ETFDH: variants seen among roughly 807,000 people sequenced by gnomAD.
ETFDH encodes the protein electron transfer flavoprotein dehydrogenase, also known as electron transfer flavoprotein-ubiquinone oxidoreductase, mitochondrial.
ETFDH carries 61 observed loss-of-function variants against 73.2 expected under a neutral mutation model. That is an observed-to-expected ratio of 0.83 (90% CI 0.68 to 1.03). ETFDH has a LOEUF of 1.03. Among genes scored for constraint, ETFDH ranks in the 50% least tolerant of loss-of-function variants. The probability of loss-of-function intolerance (pLI) is 0.00; values close to 1 mark genes in which losing one functional copy is unlikely to be tolerated. For synonymous variants in ETFDH, 243 were observed against 253.3 expected (o/e 0.96, Z 0.39); for missense variants, 685 against 745.0 (o/e 0.92, Z 0.94).
chr4:158,691,697 C>T (rs1389912054), intron 6 of ETFDH, among the ~76,000 whole-genome samples: 1 of 152,168 alleles, frequency 6.6e-6, no homozygotes, highest in Non-Finnish European at 1.5e-5. Context: ...TTCTCCACCT[C>T]CCATTCAAAA....
rs1773876575 is a variant in ETFDH at position 158,682,195 on chromosome 4, G to A, written c.176G>A (p.Gly59Glu). Residue 59 changes from glycine (G) to glutamate (E), a missense_variant and splice_region_variant, in exon 3 of 13, where the codon GGA becomes GAA. Gly to Glu is a moderately conservative substitution (Grantham distance 98). Around this residue, in one of 3 missense-constraint regions of ETFDH, gnomAD observed 405 missense variants for 399.3 expected, o/e 1.01. Coordinates refer to ENST00000511912, the MANE Select transcript of ETFDH (RefSeq NM_004453.4). ...ATCCCAGAATTTTTATTTCTCCCAG[G>A]AGTGAACATGGAAAGGTTTGCAGAA... ...YPRDKDKRWE[G>E]VNMERFAEEA... 1 of 1,613,720 alleles carries A rather than the reference G, an allele frequency of 6.2e-7. No homozygotes were observed. Among genetic ancestry groups the A allele is most frequent in the Admixed American group, 1.7e-5 (1 of 59,998 alleles).
Position 158,706,869 on chromosome 4 carries a change from T to A in ETFDH, c.1690+19T>A. The A allele has an allele frequency of 2.0e-6, 3 of 1,477,240 alleles. No individual in the cohort carries two copies. The highest frequency in any genetic ancestry group is 1.9e-6 in the Non-Finnish European group (2 of 1,055,598). The allele number at this position is 1,477,240 out of a possible 1,614,324, so 91.5% of individuals were successfully genotyped here. On this transcript the variant is annotated intron_variant, in intron 12 of 12. Coordinates refer to ENST00000511912, the MANE Select transcript of ETFDH (RefSeq NM_004453.4). ...CCTGCAGGTAATAATTTCCATCTATTCCTAAATATTTGCTTTAAACATTTT... is the reference window on the plus strand; with the variant it reads ...CCTGCAGGTAATAATTTCCATCTATACCTAAATATTTGCTTTAAACATTTT...
At chr4:158,694,083 T>C (rs1774246932) in intron 6 of ETFDH, among the ~76,000 whole-genome samples, 3 of 152,204 alleles carry the variant, frequency 2.0e-5, no homozygotes, top group Admixed American at 2.0e-4. Context: ...CTCTCTTTCA[T>C]AGCACTTAAA....
chr4:158,685,875 C>T (rs1440882404), intron 5 of ETFDH, among the ~76,000 whole-genome samples: 1 of 152,310 alleles, frequency 6.6e-6, no homozygotes, highest in Non-Finnish European at 1.5e-5. Context: ...AAAATGAATG[C>T]ACCCAAGACA....
rs1280680559 is a variant in ETFDH, at chr4:158,683,322, A to G, written c.405+898A>G. On this transcript the variant is annotated intron_variant, in intron 3 of 12. Transcript: ENST00000511912. The stretch of plus-strand genomic sequence containing the variant: ...TCCTACCTCCTAGATTAGATTATTC[A>G]GTGGTTGTGAATATACTTGCAAAGA... Among the ~76,000 whole-genome samples the G allele has an allele frequency of 3.3e-5, 5 of 152,306 alleles. No individual in the cohort carries two copies. The East Asian group carries it at 9.6e-4, about 29-fold the overall frequency.
rs984712748 is a variant in ETFDH, at chr4:158,698,931, G to C, written c.973-56G>C. The C allele has an allele frequency of 1.6e-5, 20 of 1,272,264 alleles. No individual in the cohort carries two copies. In the African/African-American group the frequency reaches 2.7e-4, roughly 17 times the overall value. The allele number at this position is 1,272,264 out of a possible 1,614,324, so 78.8% of individuals were successfully genotyped here. A position where few individuals can be genotyped will look rare whatever the true frequency, so the allele number is the denominator to read the frequency against. On this transcript the variant is annotated intron_variant, in intron 8 of 12. Coordinates refer to ENST00000511912, the MANE Select transcript of ETFDH (RefSeq NM_004453.4). ...TCTGATAAACATTGCTTACATTTTA[G>C]CTTGATTTAATTTGAAATAAAAATG...
At chr4:158,693,090 G>A (rs1774220671) in intron 6 of ETFDH, among the ~76,000 whole-genome samples, 1 of 151,994 alleles carries the variant, frequency 6.6e-6, no homozygotes, top group Admixed American at 6.6e-5. Context: ...TCTGTTTAAG[G>A]TGTTGTTCCA....
At chr4:158,695,061 T>C (rs1774274133) in intron 6 of ETFDH, among the ~76,000 whole-genome samples, 1 of 152,234 alleles carries the variant, frequency 6.6e-6, no homozygotes, top group Admixed American at 6.5e-5. Flanking sequence ...AATAAGTCCT[T>C]GTATATGTGA....
At chr4:158,676,101 T>G (rs1288981585) in intron 1 of ETFDH, among the ~76,000 whole-genome samples, 1 of 152,216 alleles carries the variant, frequency 6.6e-6, no homozygotes, top group Non-Finnish European at 1.5e-5. Context: ...CAGAGGCGGC[T>G]GTACAGGAGA....
Position 158,708,707 on chromosome 4 carries a change from T to A in ETFDH, c.*180T>A. 1 of 594,496 alleles carries A rather than the reference T, an allele frequency of 1.7e-6. No individual in the cohort carries two copies. Among genetic ancestry groups the A allele is most frequent in the Non-Finnish European group, 3.0e-6 (1 of 336,456 alleles). The allele number at this position is 594,496 out of a possible 1,614,324, so 36.8% of individuals were successfully genotyped here. ...ATAAAGAAATTACGGGTATTGCTTT[T>A]AAATAACCTTTATAAGAATGCAGCA... On this transcript the variant is annotated 3_prime_UTR_variant, in exon 13 of 13. Transcript: ENST00000511912.
At chr4:158,676,735 C>A (rs1472291356) in intron 1 of ETFDH, among the ~76,000 whole-genome samples, 1 of 152,132 alleles carries the variant, frequency 6.6e-6, no homozygotes, top group Non-Finnish European at 1.5e-5. Context: ...TGCTTGACTT[C>A]TCGACTATAG....
intron 10 of ETFDH, among the ~76,000 whole-genome samples, chr4:158,704,478 C>G (rs1774554085): frequency 6.6e-6 from 1 of 152,194 alleles, no homozygotes; most frequent in Non-Finnish European, 1.5e-5. Flanking sequence ...GTTCTCTTTC[C>G]CTTTGTTTAA....
At chr4:158,682,062 T>C (rs1773872658) in intron 2 of ETFDH, 133 bp from the exon 3 acceptor site, 1 of 1,196,204 alleles carries the variant, frequency 8.4e-7, no homozygotes, top group Non-Finnish European at 1.2e-6. Flanking sequence ...ATGCTTAATA[T>C]AATTATTGTG....
chr4:158,698,520 C>A (rs141360574), intron 8 of ETFDH, among the ~76,000 whole-genome samples: 54 of 151,866 alleles, frequency 3.6e-4, no homozygotes, highest in African/African-American at 1.1e-3. Context: ...TATTTTTGCC[C>A]CAGTTGTACT....
At chr4:158,672,641 G>A (rs945147195) in intron 1 of ETFDH, 151 bp downstream of exon 1, 6 of 800,096 alleles carry the variant, frequency 7.5e-6, no homozygotes, top group South Asian at 3.0e-5. Flanking sequence ...GCCTGTTGGG[G>A]GACCCTGGCT....
chr4:158,678,769 T>A (rs1773773458), intron 1 of ETFDH, among the ~76,000 whole-genome samples: 1 of 151,730 alleles, frequency 6.6e-6, no homozygotes, highest in Non-Finnish European at 1.5e-5. Flanking sequence ...TACCTCAGCC[T>A]CCTGAGTAGG....
chr4:158,685,911 CT>C (rs1773990785), intron 5 of ETFDH, among the ~76,000 whole-genome samples: 1 of 152,190 alleles, frequency 6.6e-6, no homozygotes, highest in Admixed American at 6.5e-5. Context: ...AAATGATTCT[CT>C]TTGGAATTTG....
At chr4:158,681,296 A>T (rs548340629) in intron 2 of ETFDH, among the ~76,000 whole-genome samples, 2 of 152,286 alleles carry the variant, frequency 1.3e-5, no homozygotes, top group South Asian at 2.1e-4. Context: ...AGGAAAAAAA[A>T]TTTTAAAAAG....
intron 3 of ETFDH, among the ~76,000 whole-genome samples, chr4:158,684,161 G>A (rs559623299): frequency 1.6e-4 from 25 of 152,148 alleles, no homozygotes; most frequent in Non-Finnish European, 2.8e-4. Flanking sequence ...AGGCCAAGGC[G>A]GATGGATGAC....
Sources: gnomAD v4.1 joint callset for allele counts (sites outside exome capture counted in the v4.1 genomes callset) on GRCh38, gnomAD v4.1.1 for gene constraint, gnomAD v4.1.1 regional missense constraint, MANE v1.5 for transcripts, NCBI Gene and HGNC (gene_info 2026-07-23, HGNC 2026-07-21) for gene names.